SLC2A13: variants seen among roughly 807,000 people sequenced by gnomAD.
SLC2A13 encodes the protein proton myo-inositol cotransporter.
In SLC2A13, 32 loss-of-function variants were observed where a neutral mutation model predicts 64.4. The observed-to-expected ratio is 0.50, with a 90% CI of 0.37 to 0.67. The LOEUF is 0.67. Among genes scored for constraint, SLC2A13 ranks in the 30% least tolerant of loss-of-function variants. The pLI, the probability that SLC2A13 is intolerant of heterozygous loss-of-function variation, is 0.00. For synonymous variants in SLC2A13, 338 were observed against 327.1 expected (o/e 1.03, Z -0.36); for missense variants, 743 against 829.2 (o/e 0.90, Z 1.28).
chr12:40,023,069 C>T (rs1947749681), intron 3 of SLC2A13, among the ~76,000 whole-genome samples: 1 of 152,228 alleles, frequency 6.6e-6, no homozygotes, highest in Non-Finnish European at 1.5e-5. Context: ...TGCACTGATG[C>T]TGTCCTAATA....
chr12:39,998,120 C>G (rs2136177407), intron 3 of SLC2A13, among the ~76,000 whole-genome samples: 1 of 152,270 alleles, frequency 6.6e-6, no homozygotes, highest in South Asian at 2.1e-4. Flanking sequence ...GGAACCAACC[C>G]TAACACCCAT....
At chr12:39,999,353 G>A (rs768840074) in intron 3 of SLC2A13, among the ~76,000 whole-genome samples, 14 of 152,156 alleles carry the variant, frequency 9.2e-5, no homozygotes, top group East Asian at 1.9e-4. Context: ...ATAAATGGAC[G>A]TGCAAGTATG....
intron 5 of SLC2A13, among the ~76,000 whole-genome samples, chr12:39,866,761 G>C (rs1041557143): frequency 6.6e-6 from 1 of 152,212 alleles, no homozygotes; most frequent in African/African-American, 2.4e-5. Context: ...TTACAGGCGT[G>C]AGCCACAGCG....
At chr12:40,081,599 T>C (rs1443166151) in intron 1 of SLC2A13, among the ~76,000 whole-genome samples, 1 of 152,212 alleles carries the variant, frequency 6.6e-6, no homozygotes, top group Non-Finnish European at 1.5e-5. Flanking sequence ...TTGGAATCCT[T>C]AGATTCCCTG....
chr12:39,955,826 T>C (rs1384759806), intron 3 of SLC2A13, among the ~76,000 whole-genome samples: 1 of 151,984 alleles, frequency 6.6e-6, no homozygotes, highest in Non-Finnish European at 1.5e-5. Context: ...GAATGACAGG[T>C]GCCCCCAGAA....
At chr12:39,794,966 C>T (rs905508583) in intron 7 of SLC2A13, among the ~76,000 whole-genome samples, 3 of 152,028 alleles carry the variant, frequency 2.0e-5, no homozygotes, top group Non-Finnish European at 4.4e-5. Flanking sequence ...AGATTTTCTC[C>T]TTCTCTTTGC....
chr12:40,031,316 G>A (rs752763314), intron 2 of SLC2A13, among the ~76,000 whole-genome samples: 5 of 152,060 alleles, frequency 3.3e-5, no homozygotes, highest in Non-Finnish European at 7.4e-5. Context: ...TCCGCCTCCC[G>A]GGTTCAAGCA....
intron 3 of SLC2A13, among the ~76,000 whole-genome samples, chr12:40,024,808 T>TA (rs1464724359): frequency 3.3e-5 from 5 of 152,114 alleles, no homozygotes; most frequent in Non-Finnish European, 5.9e-5. Context: ...TTCAAAATCC[T>TA]AAAAAAACAG....
intron 1 of SLC2A13, among the ~76,000 whole-genome samples, chr12:40,074,366 T>C (rs1938084650): frequency 6.6e-6 from 1 of 151,932 alleles, no homozygotes; most frequent in African/African-American, 2.4e-5. Flanking sequence ...GCAGTCTTAG[T>C]ATGTTGCCCA....
chr12:39,780,847 T>A (rs577945361), intron 7 of SLC2A13, among the ~76,000 whole-genome samples: 14 of 152,150 alleles, frequency 9.2e-5, no homozygotes, highest in East Asian at 7.7e-4. Context: ...AAGAAATTTT[T>A]TAAAAAAACT....
intron 3 of SLC2A13, among the ~76,000 whole-genome samples, chr12:40,019,412 A>G (rs1321684746): frequency 2.0e-5 from 3 of 152,076 alleles, no homozygotes; most frequent in African/African-American, 7.2e-5. Flanking sequence ...CAGATGTGGC[A>G]TGAGATGCAG....
intron 4 of SLC2A13, among the ~76,000 whole-genome samples, chr12:39,930,130 C>CA (rs11385191): frequency 0.18 from 16,718 of 95,360 alleles, 1,009 homozygotes; most frequent in East Asian, 0.24. Flanking sequence ...GACTTCGTCT[C>CA]AAAAAAAAAA....
chr12:40,048,035 A>T lies in SLC2A13; in HGVS notation c.716+16T>A. On this transcript the variant is annotated intron_variant, in intron 2 of 9. Coordinates refer to ENST00000280871, the MANE Select transcript of SLC2A13 (RefSeq NM_052885.4). ...ATCAAGATTTGAAAAATTAAATGTA[A>T]AAAGTATTTACAAACCTCCATCCAT... The T allele has an allele frequency of 6.4e-7, 1 of 1,569,350 alleles. No individual in the cohort carries two copies.
At chr12:39,923,690 G>GCGCACACACA (rs1945660052) in intron 4 of SLC2A13, among the ~76,000 whole-genome samples, 1 of 36,444 alleles carries the variant, frequency 2.7e-5, no homozygotes, top group Non-Finnish European at 1.1e-4. Flanking sequence ...ATATATATGC[G>GCGCACACACA]CACGCGCACA....
chr12:40,048,732 C>T (rs901863091), intron 1 of SLC2A13, among the ~76,000 whole-genome samples: 1 of 152,102 alleles, frequency 6.6e-6, no homozygotes, highest in Admixed American at 6.5e-5. Context: ...GCTAGGTATA[C>T]ATTTCAGAAT....
chr12:39,785,221 G>A (rs1188631199), intron 7 of SLC2A13, among the ~76,000 whole-genome samples: 1 of 152,066 alleles, frequency 6.6e-6, no homozygotes, highest in Admixed American at 6.5e-5. Flanking sequence ...TGGTTTTCTG[G>A]GCCAGGCCTG....
chr12:39,937,764 C>G (rs771171094), intron 4 of SLC2A13, among the ~76,000 whole-genome samples: 17 of 152,166 alleles, frequency 1.1e-4, no homozygotes, highest in African/African-American at 3.4e-4. Flanking sequence ...TTGATGTAAA[C>G]TACAAGTCAC....
chr12:39,796,392 T>A (rs532516119), intron 7 of SLC2A13, among the ~76,000 whole-genome samples: 2 of 129,172 alleles, frequency 1.5e-5, no homozygotes, highest in South Asian at 2.4e-4. Flanking sequence ...GAGTTTGAGA[T>A]CACCCTGGCC....
intron 4 of SLC2A13, among the ~76,000 whole-genome samples, chr12:39,883,362 T>C (rs954425721): frequency 4.6e-5 from 7 of 152,210 alleles, no homozygotes; most frequent in African/African-American, 9.6e-5. Flanking sequence ...GGTGCCCTCA[T>C]GGCTGGAGAA....
Sources: gnomAD v4.1 joint callset for allele counts (sites outside exome capture counted in the v4.1 genomes callset) on GRCh38, gnomAD v4.1.1 for gene constraint, MANE v1.5 for transcripts, NCBI Gene and HGNC (gene_info 2026-07-23, HGNC 2026-07-21) for gene names.